The following PRPSAP1 variants were observed in gnomAD, a reference collection of about 807,000 sequenced individuals.
PRPSAP1 encodes the protein phosphoribosyl pyrophosphate synthetase associated protein 1, also known as phosphoribosyl pyrophosphate synthase-associated protein 1.
PRPSAP1 carries 31 observed loss-of-function variants against 39.4 expected under a neutral mutation model. The observed-to-expected ratio is 0.79, with a 90% CI of 0.59 to 1.06. The LOEUF is 1.06. Among genes scored for constraint, PRPSAP1 ranks in the 50% least tolerant of loss-of-function variants. PRPSAP1 has a pLI of 0.00. For missense variants in PRPSAP1, 430 were observed against 511.6 expected (o/e 0.84, Z 1.54); for synonymous variants, 212 against 192.6 (o/e 1.10, Z -0.83).
At position 76,353,894 on chromosome 17, in the gene PRPSAP1, G is replaced by A; in HGVS notation, c.-191C>T. The stretch of plus-strand genomic sequence containing the variant: ...CGGCCGAGCCTTCGCAGCGCCCGGC[G>A]CCGCCGCCTCAGAGCCAGAGGCAAG... On this transcript the variant is annotated 5_prime_UTR_variant, in exon 1 of 10. Transcript: ENST00000446526. 1.3e-5 allele frequency: 17 copies of A among 1,331,626 alleles called. No homozygotes were observed. Among genetic ancestry groups the A allele is most frequent in the Non-Finnish European group, 1.5e-5 (16 of 1,046,688 alleles). The allele number at this position is 1,331,626 out of a possible 1,614,324, so 82.5% of individuals were successfully genotyped here. A position where few individuals can be genotyped will look rare whatever the true frequency, so the allele number is the denominator to read the frequency against.
intron 3 of PRPSAP1, chr17:76,337,512 A>G (rs2143518382): frequency 6.6e-6 from 1 of 152,460 alleles, no homozygotes; most frequent in South Asian, 2.1e-4. Flanking sequence ...AGGCTCGCAA[A>G]AAGAGAAACC....
chr17:76,315,021 G>A (rs1486474014), intron 7 of PRPSAP1, among the ~76,000 whole-genome samples: 1 of 152,190 alleles, frequency 6.6e-6, no homozygotes, highest in Admixed American at 6.5e-5. Context: ...CTTACTATCA[G>A]ATAACTGCAC....
At chr17:76,322,341 A>G (rs2071206731) in intron 7 of PRPSAP1, among the ~76,000 whole-genome samples, 1 of 152,214 alleles carries the variant, frequency 6.6e-6, no homozygotes, top group East Asian at 1.9e-4. Flanking sequence ...GATTGCACTA[A>G]GCCGAGATCG....
intron 7 of PRPSAP1, among the ~76,000 whole-genome samples, chr17:76,320,834 T>A (rs1256329038): frequency 6.6e-6 from 1 of 151,100 alleles, no homozygotes; most frequent in Non-Finnish European, 1.5e-5. Flanking sequence ...CAGGCTGGAG[T>A]GCAGTGGTGC....
At chr17:76,352,763 A>G (rs1160593240) in intron 1 of PRPSAP1, among the ~76,000 whole-genome samples, 4 of 152,060 alleles carry the variant, frequency 2.6e-5, no homozygotes, top group African/African-American at 7.2e-5. Flanking sequence ...TACTACTTCT[A>G]CATTATCCCG....
chr17:76,324,651 T>C (rs1380776352), intron 7 of PRPSAP1, among the ~76,000 whole-genome samples: 1 of 151,738 alleles, frequency 6.6e-6, no homozygotes, highest in African/African-American at 2.4e-5. Flanking sequence ...GAAAGATCTT[T>C]TGTGAAAGGA....
At chr17:76,350,230 G>A (rs1032766553) in intron 1 of PRPSAP1, among the ~76,000 whole-genome samples, 2 of 151,994 alleles carry the variant, frequency 1.3e-5, no homozygotes, top group South Asian at 2.1e-4. Context: ...ACGAGGTCAG[G>A]AGATCGAGAC....
Position 76,312,996 on chromosome 17 carries a change from C to A in PRPSAP1, c.873G>T (p.Val291=). 1 of 1,613,882 alleles carries A rather than the reference C, an allele frequency of 6.2e-7. No homozygotes were observed. Among genetic ancestry groups the A allele is most frequent in the South Asian group, 1.1e-5 (1 of 91,066 alleles). The change falls in exon 9 of 10, where the codon GTG becomes GTT. Residue 291 remains valine, a synonymous_variant. Transcript: ENST00000446526. ...TCTCCGCGGCAGCAACAAAACTCTC[C>A]ACATCGTCAATAATGTCATCCTGGG... The part of the protein sequence containing the change: ...AIIVDDIIDD[V]ESFVAAAEIL...
At chr17:76,342,324 T>A (rs2071448291) in intron 3 of PRPSAP1, among the ~76,000 whole-genome samples, 1 of 152,104 alleles carries the variant, frequency 6.6e-6, no homozygotes, top group South Asian at 2.1e-4. Flanking sequence ...GGTACCTGAA[T>A]CTCATCATAG....
At chr17:76,328,542 G>A (rs546354570) in intron 7 of PRPSAP1, among the ~76,000 whole-genome samples, 175 bp downstream of exon 7, 1 of 152,206 alleles carries the variant, frequency 6.6e-6, no homozygotes, top group Non-Finnish European at 1.5e-5. Context: ...CCAGGAGGCA[G>A]AGGTTGCAGT....
rs1397753737 is a variant in PRPSAP1, at chr17:76,309,541, G to A, written c.*2001C>T. The A allele has an allele frequency of 6.6e-6, 1 of 152,088 alleles. No homozygotes were observed. Among genetic ancestry groups the A allele is most frequent in the East Asian group, 1.9e-4 (1 of 5,204 alleles). 9.4% of individuals were successfully genotyped at this position (152,088 alleles called of 1,614,324 possible). A position where few individuals can be genotyped will look rare whatever the true frequency, so the allele number is the denominator to read the frequency against. ...AACTTCCTAACAGAAGCACAGCAAGGCTACTTAAAGAGAACCTATGAATGT... is the reference window on the plus strand; with the variant it reads ...AACTTCCTAACAGAAGCACAGCAAGACTACTTAAAGAGAACCTATGAATGT... On this transcript the variant is annotated 3_prime_UTR_variant, in exon 10 of 10. Transcript: ENST00000446526.
chr17:76,344,644 A>G, intron 3 of PRPSAP1, 27 bp downstream of exon 3: 1 of 1,464,772 alleles, frequency 6.8e-7, no homozygotes, highest in South Asian at 1.2e-5. Flanking sequence ...TTTTACAGAA[A>G]AGAGATAAAG....
In PRPSAP1 at chr17:76,353,633, G is replaced by T; in HGVS notation, c.71C>A (p.Pro24His). The change falls in exon 1 of 10, where the codon CCC becomes CAC. Residue 24 changes from proline (P) to histidine (H), a missense_variant. Transcript: ENST00000446526. ...SSAFRVPRAR[P>H]VPPPAMNAAR... ...GGCGTTCATGGCCGGCGGGGGAACG[G>T]GGCGGGCGCGCGGGACGCGGAAAGC... 1 of 1,541,970 alleles carries T rather than the reference G, an allele frequency of 6.5e-7. No individual in the cohort carries two copies.
At chr17:76,320,831 G>A (rs1368797968) in intron 7 of PRPSAP1, among the ~76,000 whole-genome samples, 3 of 151,480 alleles carry the variant, frequency 2.0e-5, no homozygotes, top group Non-Finnish European at 4.4e-5. Context: ...ACCCAGGCTG[G>A]AGTGCAGTGG....
intron 7 of PRPSAP1, among the ~76,000 whole-genome samples, chr17:76,328,411 C>A (rs1469154470): frequency 6.6e-6 from 1 of 152,072 alleles, no homozygotes; most frequent in Admixed American, 6.6e-5. Flanking sequence ...GAGTTTGAGA[C>A]CAGCCTGGCC....
At chr17:76,346,003 G>A in intron 2 of PRPSAP1, 1 of 468,360 alleles carries the variant, frequency 2.1e-6, no homozygotes, top group South Asian at 1.5e-5. Flanking sequence ...AGGTACCCAA[G>A]GGAAAAAGGA....
At chr17:76,323,317 G>A (rs1005404701) in intron 7 of PRPSAP1, among the ~76,000 whole-genome samples, 2 of 149,464 alleles carry the variant, frequency 1.3e-5, no homozygotes, top group Non-Finnish European at 3.0e-5. Context: ...ACTCCAGCCT[G>A]GGTGACAGAG....
intron 7 of PRPSAP1, among the ~76,000 whole-genome samples, chr17:76,316,348 T>G (rs769673096): frequency 1.4e-3 from 215 of 152,220 alleles, no homozygotes; most frequent in South Asian, 3.1e-3. Context: ...ATGAAAAACC[T>G]AGGCTCTGCT....
At chr17:76,332,537 G>T in intron 3 of PRPSAP1, 102 bp from the exon 4 acceptor site, 1 of 1,351,068 alleles carries the variant, frequency 7.4e-7, no homozygotes. Context: ...GATGGGTGTT[G>T]TGGGAATTTT....
Sources: gnomAD v4.1 joint callset for allele counts (sites outside exome capture counted in the v4.1 genomes callset) on GRCh38, gnomAD v4.1.1 for gene constraint, MANE v1.5 for transcripts, NCBI Gene and HGNC (gene_info 2026-07-23, HGNC 2026-07-21) for gene names.